Variants in EYA2 observed in about 807,000 individuals in gnomAD.
EYA2 encodes protein phosphatase EYA2.
In EYA2, 31 loss-of-function variants were observed where a neutral mutation model predicts 69.2. The ratio of observed to expected loss-of-function variants is 0.45; its 90% CI spans 0.34 to 0.60. The LOEUF (loss-of-function observed/expected upper bound fraction) is 0.60. Ranked by LOEUF, EYA2 falls within the 20% of genes least tolerant of loss-of-function variation. The pLI, the probability that EYA2 is intolerant of heterozygous loss-of-function variation, is 0.02. For missense variants in EYA2, 622 were observed against 701.2 expected (o/e 0.89, Z 1.28); for synonymous variants, 257 against 279.4 (o/e 0.92, Z 0.80).
At chr20:46,962,802 T>C (rs1979553521) in intron 1 of EYA2, among the ~76,000 whole-genome samples, 1 of 152,178 alleles carries the variant, frequency 6.6e-6, no homozygotes, top group African/African-American at 2.4e-5. Context: ...ACATCCCCAC[T>C]CTTACTGCTT....
chr20:46,997,465 A>G (rs1335876253), intron 2 of EYA2: 1 of 152,146 alleles, frequency 6.6e-6, no homozygotes, highest in Non-Finnish European at 1.5e-5. Context: ...CAGAGTTTAC[A>G]ATTCAGAAGG....
intron 5 of EYA2, among the ~76,000 whole-genome samples, chr20:47,069,610 C>T (rs751492294): frequency 6.6e-6 from 1 of 151,884 alleles, no homozygotes; most frequent in Non-Finnish European, 1.5e-5. Context: ...GTCAGTTTAT[C>T]TTTGGCAAAT....
intron 1 of EYA2, among the ~76,000 whole-genome samples, chr20:46,899,948 C>T (rs945114937): frequency 6.6e-6 from 1 of 152,244 alleles, no homozygotes; most frequent in Non-Finnish European, 1.5e-5. Context: ...TTAGACGCGC[C>T]GCAATGCCAA....
chr20:47,050,884 A>G (rs991876042), intron 5 of EYA2, among the ~76,000 whole-genome samples: 2 of 152,256 alleles, frequency 1.3e-5, no homozygotes, highest in African/African-American at 4.8e-5. Flanking sequence ...AGAACCTTGC[A>G]GCGTTTTACG....
intron 5 of EYA2, among the ~76,000 whole-genome samples, chr20:47,051,283 C>T (rs1360303509): frequency 6.6e-6 from 1 of 152,262 alleles, no homozygotes; most frequent in Non-Finnish European, 1.5e-5. Flanking sequence ...AGGCGGCCAT[C>T]TGCTGTGAAG....
intron 1 of EYA2, among the ~76,000 whole-genome samples, chr20:46,928,461 C>T (rs1031221854): frequency 5.1e-4 from 78 of 152,150 alleles, no homozygotes; most frequent in African/African-American, 1.9e-3. Context: ...CTCATTTTTT[C>T]CTCACTGGAG....
At chr20:47,145,900 T>TAAAA (rs112472302) in intron 10 of EYA2, among the ~76,000 whole-genome samples, 1 of 138,288 alleles carries the variant, frequency 7.2e-6, no homozygotes, top group Non-Finnish European at 1.6e-5. Context: ...AACTCCATCT[T>TAAAA]AAAAAAAAAA....
chr20:47,116,331 A>G (rs2146548890), intron 9 of EYA2, among the ~76,000 whole-genome samples: 1 of 151,748 alleles, frequency 6.6e-6, no homozygotes, highest in Middle Eastern at 3.4e-3. Context: ...GCGCCTGCCA[A>G]TACGCCTAGC....
chr20:47,138,801 C>T (rs1211821527), intron 9 of EYA2, among the ~76,000 whole-genome samples: 1 of 152,050 alleles, frequency 6.6e-6, no homozygotes, highest in Non-Finnish European at 1.5e-5. Flanking sequence ...TTCACTTTGA[C>T]CATCACTTTT....
Position 46,951,614 on chromosome 20 carries a change from A to G in EYA2, c.-10-38387A>G, listed in dbSNP as rs542532984. 2.0e-5 allele frequency among the ~76,000 whole-genome samples: 3 copies of G among 152,300 alleles called. No individual in the cohort carries two copies. In the South Asian group the frequency reaches 6.2e-4, roughly 32 times the overall value. Reference sequence around the variant, plus strand: ...ATGCACTTCTACATCATGGGCCACCAGGGAGCTGAGTAATAAAACCACTCT... The same window carrying G: ...ATGCACTTCTACATCATGGGCCACCGGGGAGCTGAGTAATAAAACCACTCT... On this transcript the variant is annotated intron_variant, in intron 1 of 15. Transcript: ENST00000327619.
intron 5 of EYA2, among the ~76,000 whole-genome samples, chr20:47,035,600 C>T (rs545561182): frequency 3.9e-5 from 6 of 152,152 alleles, no homozygotes; most frequent in African/African-American, 7.2e-5. Context: ...GAGGCAGTGA[C>T]GCTTAGTAAT....
At chr20:47,011,634 C>T (rs1600637672) in intron 4 of EYA2, among the ~76,000 whole-genome samples, 1 of 49,420 alleles carries the variant, frequency 2.0e-5, no homozygotes, top group Non-Finnish European at 9.1e-5. Context: ...GGTATTCCTT[C>T]GGGTGTCCAC....
intron 1 of EYA2, among the ~76,000 whole-genome samples, chr20:46,954,372 A>G (rs1290118060): frequency 1.3e-5 from 2 of 152,204 alleles, no homozygotes; most frequent in East Asian, 3.8e-4. Context: ...ACAGGGAGGA[A>G]GGAAGGGGGG....
intron 9 of EYA2, among the ~76,000 whole-genome samples, chr20:47,134,288 CAG>C (rs1206363600): frequency 6.6e-6 from 1 of 152,198 alleles, no homozygotes; most frequent in East Asian, 1.9e-4. Flanking sequence ...AAAGCCATGA[CAG>C]GGGTGGTGGC....
chr20:46,989,938 A>C lies in EYA2; in HGVS notation c.-10-63A>C, dbSNP rs7263478. ...TATTTATACTCTTAGGGAAAGAAAT[A>C]GGAATCATTAGCAAGCATGCATAAT... On this transcript the variant is annotated intron_variant, in intron 1 of 15. Transcript: ENST00000327619. 3,469 of 816,882 alleles carry C rather than the reference A, an allele frequency of 4.2e-3. 66 individuals are homozygous for C. The African/African-American group carries it at 0.048, about 11-fold the overall frequency. 50.6% of individuals were successfully genotyped at this position (816,882 alleles called of 1,614,324 possible). A position where few individuals can be genotyped will look rare whatever the true frequency, so the allele number is the denominator to read the frequency against.
chr20:46,923,391 G>C lies in EYA2; in HGVS notation c.-11+28404G>C, dbSNP rs1268254160. Among the ~76,000 whole-genome samples, 3 of 152,162 alleles carry C rather than the reference G, an allele frequency of 2.0e-5. No individual in the cohort carries two copies. The East Asian group carries it at 5.8e-4, about 29-fold the overall frequency. ...AAAAACAAACAAAAGAAATGTTCTA[G>C]ACCAAAGGAATCTGAAGGGATAGGA... On this transcript the variant is annotated intron_variant, in intron 1 of 15. Transcript: ENST00000327619.
chr20:47,187,974 A>G, intron 15 of EYA2, 79 bp from the exon 16 acceptor site: 6 of 1,450,504 alleles, frequency 4.1e-6, no homozygotes, highest in Non-Finnish European at 5.7e-6. Flanking sequence ...TTGACTTCTC[A>G]CATGCCCTCT....
intron 1 of EYA2, among the ~76,000 whole-genome samples, chr20:46,897,339 G>A (rs1018476272): frequency 4.6e-5 from 7 of 152,194 alleles, no homozygotes; most frequent in African/African-American, 1.2e-4. Flanking sequence ...GACCCCAGCC[G>A]TTTGTGAAAA....
intron 1 of EYA2, among the ~76,000 whole-genome samples, chr20:46,972,644 C>G (rs994846601): frequency 6.6e-6 from 1 of 152,144 alleles, no homozygotes; most frequent in Non-Finnish European, 1.5e-5. Flanking sequence ...GAGGTGGGGA[C>G]CCTTTTTATC....
Sources: allele counts gnomAD v4.1 joint callset (sites outside exome capture counted in the v4.1 genomes callset), GRCh38; gene constraint gnomAD v4.1.1; transcripts MANE v1.5; gene names NCBI Gene and HGNC (gene_info 2026-07-23, HGNC 2026-07-21).